Variants in SLC6A14 observed in about 807,000 individuals in gnomAD.
SLC6A14 encodes sodium- and chloride-dependent neutral and basic amino acid transporter B(0+).
SLC6A14 carries 21 observed loss-of-function variants against 51.4 expected under a neutral mutation model. That is an observed-to-expected ratio of 0.41 (90% CI 0.29 to 0.59). The LOEUF is 0.59. SLC6A14 is among the 20% of genes least tolerant of loss of function. SLC6A14 has a pLI of 0.31. For synonymous variants in SLC6A14, 177 were observed against 160.7 expected, an observed-to-expected ratio of 1.10 and a Z score of -0.77; for missense variants, 371 against 472.8, an observed-to-expected ratio of 0.78 and a Z score of 2.00.
Position 116,441,021 on chromosome X carries a change from CT to C in SLC6A14, c.273del (p.Leu92TrpfsTer11). The C allele has an allele frequency of 8.3e-7, 1 of 1,209,200 alleles. No individual in the cohort carries two copies. The highest frequency in any genetic ancestry group is 1.1e-6 in the Non-Finnish European group (1 of 893,481). ...TAGCATTGGCTGGTTTACCTTTGTT[CT>C]TTCTGGAGTGTTCACTGGGACAATT... is the stretch of plus-strand genomic sequence containing the variant. ...MLALAGLPLF[F>X]LECSLGQFAS... On this transcript the variant is annotated frameshift_variant, in exon 3 of 14. Coordinates refer to ENST00000598581, the MANE Select transcript of SLC6A14 (RefSeq NM_007231.5). LOFTEE classifies it high-confidence loss of function.
At chrX:116,440,380 A>T (rs1307679664) in intron 2 of SLC6A14, among the ~76,000 whole-genome samples, 1 of 112,329 alleles carries the variant, frequency 8.9e-6, no homozygotes, top group Non-Finnish European at 1.9e-5. Flanking sequence ...AGAATAATAA[A>T]CTTAATTGCA....
At chrX:116,443,823 A>ATG in intron 5 of SLC6A14, 33 bp downstream of exon 5, 1 of 1,047,925 alleles carries the variant, frequency 9.5e-7, no homozygotes, top group Non-Finnish European at 1.3e-6. Flanking sequence ...TTTTAAGTAG[A>ATG]TGTTATCTTA....
At position 116,443,790 on chromosome X, in the gene SLC6A14, A is replaced by T. The variant is rs1927650208; in HGVS notation, c.656A>T (p.Asn219Ile). 3.4e-6 allele frequency: 4 copies of T among 1,185,776 alleles called. No individual in the cohort carries two copies. The highest frequency in any genetic ancestry group is 4.5e-6 in the Non-Finnish European group (4 of 880,866). The stretch of plus-strand genomic sequence containing the variant: ...CAGCTTCCCAGTGAACAATATTGGA[A>T]GTAAGTATACTAGATGATTTACTTT... Reference protein sequence around the residue: ...PGQLPSEQYWNKVALQRSSGM... With the variant: ...PGQLPSEQYWIKVALQRSSGM... Residue 219 changes from asparagine (N) to isoleucine (I), a missense_variant and splice_region_variant, in exon 5 of 14, where the codon AAT (asparagine) becomes ATT (isoleucine). By Grantham distance (149) the Asn-to-Ile change is moderately radical. Around this residue, in one of 2 missense-constraint regions of SLC6A14, gnomAD observed 277 missense variants for 391.8 expected, o/e 0.71. Coordinates refer to ENST00000598581, the MANE Select transcript of SLC6A14 (RefSeq NM_007231.5).
rs1556694990 is a variant in SLC6A14, at chrX:116,458,973, T to A, written c.*18T>A. The stretch of plus-strand genomic sequence containing the variant: ...CGGAATGAGATCTCATTGAAAAAAA[T>A]ATATGATTGTATAATGTGATTTTTT... On this transcript the variant is annotated 3_prime_UTR_variant, in exon 14 of 14. Transcript: ENST00000598581. The A allele has an allele frequency of 1.7e-6, 2 of 1,158,660 alleles. No homozygotes were observed. Among genetic ancestry groups the A allele is most frequent in the South Asian group, 2.0e-5 (1 of 50,241 alleles).
intron 5 of SLC6A14, among the ~76,000 whole-genome samples, chrX:116,444,151 T>C (rs1288490274): frequency 1.8e-5 from 2 of 112,211 alleles, no homozygotes. Flanking sequence ...TGAGTAATAT[T>C]GCTATTTAAA....
chrX:116,448,889 C>T (rs1239526787), intron 7 of SLC6A14, among the ~76,000 whole-genome samples: 1 of 111,875 alleles, frequency 8.9e-6, no homozygotes, highest in African/African-American at 3.2e-5. Context: ...TTCATCTTCT[C>T]ACCCCTTTTC....
chrX:116,446,079 T>C (rs4824324), intron 6 of SLC6A14, among the ~76,000 whole-genome samples: 5,248 of 84,077 alleles, frequency 0.062, 430 homozygotes, highest in Non-Finnish European at 0.099. Context: ...TTTAAACCAT[T>C]TCCTTGGATG....
intron 2 of SLC6A14, among the ~76,000 whole-genome samples, chrX:116,440,605 G>A (rs1311220775): frequency 2.7e-5 from 3 of 111,801 alleles, no homozygotes; most frequent in African/African-American, 9.8e-5. Flanking sequence ...AGATTCAGAT[G>A]TTAGGCAAAT....
intron 6 of SLC6A14, among the ~76,000 whole-genome samples, chrX:116,445,486 G>C (rs1171738092): frequency 5.7e-5 from 5 of 87,841 alleles, no homozygotes; most frequent in Admixed American, 1.4e-4. Context: ...GAGAGAGAGA[G>C]AGAGAGAGAG....
chrX:116,454,375 T>C lies in SLC6A14; in HGVS notation c.1337T>C (p.Met446Thr), dbSNP rs146124970. The C allele has an allele frequency of 8.3e-7, 1 of 1,204,052 alleles. No homozygotes were observed. Among genetic ancestry groups the C allele is most frequent in the African/African-American group, 1.8e-5 (1 of 56,855 alleles). ...TTATTTCCCAAAGTGATGAAGAAAA[T>C]GAGGGTTCCCATAACTTTGGGCTGC... ...QDLFPKVMKKMRVPITLGCCL... is the reference protein window; with the variant it reads ...QDLFPKVMKKTRVPITLGCCL... The change falls in exon 10 of 14, where the codon ATG (methionine) becomes ACG (threonine). Residue 446 changes from methionine to threonine, a missense_variant. Coordinates refer to ENST00000598581, the MANE Select transcript of SLC6A14 (RefSeq NM_007231.5).
At position 116,459,140 on chromosome X, in the gene SLC6A14, C is replaced by T. The variant is rs1602516901; in HGVS notation, c.*185C>T. The T allele has an allele frequency of 2.9e-6, 1 of 339,314 alleles. No homozygotes were observed. Among genetic ancestry groups the T allele is most frequent in the East Asian group, 4.7e-5 (1 of 21,349 alleles). 28.0% of individuals were successfully genotyped at this position (339,314 alleles called of 1,213,427 possible). A position where few individuals can be genotyped will look rare whatever the true frequency, so the allele number is the denominator to read the frequency against. ...GAATCTCTTAATTCTCAGCCATGTG[C>T]TTATTATATTTCTTTTTAGATTGTC... On this transcript the variant is annotated 3_prime_UTR_variant, in exon 14 of 14. Coordinates refer to ENST00000598581, the MANE Select transcript of SLC6A14 (RefSeq NM_007231.5).
chrX:116,440,957 C>T lies in SLC6A14; in HGVS notation c.215-9C>T. On this transcript the variant is annotated splice_polypyrimidine_tract_variant and intron_variant, in intron 2 of 13. Coordinates refer to ENST00000598581, the MANE Select transcript of SLC6A14 (RefSeq NM_007231.5). ...TAATAGTGCTTTGGTTCTTTCTCACCTTTTTTAGGCGCCTTCTTGATACCT... is the reference window on the plus strand; with the variant it reads ...TAATAGTGCTTTGGTTCTTTCTCACTTTTTTTAGGCGCCTTCTTGATACCT... 11 of 1,206,913 alleles carry T rather than the reference C, an allele frequency of 9.1e-6. No homozygotes were observed. The highest frequency in any genetic ancestry group is 1.2e-5 in the Non-Finnish European group (11 of 893,293).
Position 116,437,894 on chromosome X carries a change from A to G in SLC6A14, c.153A>G (p.Gly51=). ...CGGATTATCTTCTATCTATGATTGG[A>G]TACGCAGTGGGATTAGGAAATGTGT... ...KKSDYLLSMI[G]YAVGLGNVWR... The change falls in exon 2 of 14, where the codon GGA becomes GGG. Residue 51 remains glycine, a synonymous_variant. Transcript: ENST00000598581. 8.3e-7 allele frequency: 1 copy of G among 1,208,610 alleles called. No individual in the cohort carries two copies. Among genetic ancestry groups the G allele is most frequent in the Non-Finnish European group, 1.1e-6 (1 of 892,913 alleles).
In SLC6A14 at chrX:116,456,957, G is replaced by A. The variant is rs781906930; in HGVS notation, c.1615-652G>A. ...ATAATGTGTTCATCTTTAACATTCA[G>A]ATTTGACTGTATTGCCTAAGCAGAT... On this transcript the variant is annotated intron_variant, in intron 12 of 13. Coordinates refer to ENST00000598581, the MANE Select transcript of SLC6A14 (RefSeq NM_007231.5). Among the ~76,000 whole-genome samples, 6 of 111,867 alleles carry A rather than the reference G, an allele frequency of 5.4e-5. No individual in the cohort carries two copies. In the South Asian group the frequency reaches 2.2e-3, roughly 41 times the overall value.
intron 7 of SLC6A14, among the ~76,000 whole-genome samples, chrX:116,447,591 C>T (rs1602512835): frequency 1.1e-5 from 1 of 91,924 alleles, no homozygotes; most frequent in African/African-American, 4.1e-5. Context: ...GCTTTCACTT[C>T]TTTTTTTTTT....
chrX:116,443,798 T>A lies in SLC6A14; in HGVS notation c.656+8T>A, dbSNP rs1556693819. ...CAGTGAACAATATTGGAAGTAAGTA[T>A]ACTAGATGATTTACTTTTAAGTAGA... On this transcript the variant is annotated splice_region_variant and intron_variant, in intron 5 of 13. Transcript: ENST00000598581. 2 of 1,156,685 alleles carry A rather than the reference T, an allele frequency of 1.7e-6. No individual in the cohort carries two copies. The highest frequency in any genetic ancestry group is 2.5e-5 in the Admixed American group (1 of 39,943).
intron 8 of SLC6A14, among the ~76,000 whole-genome samples, chrX:116,452,319 T>C (rs1369322287): frequency 9.0e-6 from 1 of 111,517 alleles, no homozygotes; most frequent in African/African-American, 3.3e-5. Flanking sequence ...AGTAATGTCA[T>C]ATATGTCTTG....
intron 7 of SLC6A14, among the ~76,000 whole-genome samples, chrX:116,448,338 C>T (rs782522575): frequency 8.9e-6 from 1 of 111,811 alleles, no homozygotes; most frequent in South Asian, 3.7e-4. Context: ...TTATTATAGT[C>T]TTGGAGATTA....
chrX:116,444,984 T>C lies in SLC6A14; in HGVS notation c.723T>C (p.Leu241=), dbSNP rs1428076015. 8.3e-7 allele frequency: 1 copy of C among 1,207,263 alleles called. No individual in the cohort carries two copies. The highest frequency in any genetic ancestry group is 1.1e-6 in the Non-Finnish European group (1 of 893,568). Residue 241 remains leucine (L), a synonymous_variant, in exon 6 of 14, where the codon CTT becomes CTC. Transcript: ENST00000598581. ...GAGTAATTGTTTGGTATTTAGCACT[T>C]TGTCTTCTTCTGGCTTGGCTCATAG... ...ETGVIVWYLA[L]CLLLAWLIVG...
Sources: gnomAD v4.1 joint callset for allele counts (sites outside exome capture counted in the v4.1 genomes callset) on GRCh38, gnomAD v4.1.1 for gene constraint, gnomAD v4.1.1 regional missense constraint, MANE v1.5 for transcripts, NCBI Gene and HGNC (gene_info 2026-07-23, HGNC 2026-07-21) for gene names.